The following GLRA3 variants were observed in gnomAD, a reference collection of about 807,000 sequenced individuals.
GLRA3 encodes glycine receptor alpha 3.
Under a neutral mutation model 60.4 loss-of-function variants are expected in GLRA3, and 44 were observed. The ratio of observed to expected loss-of-function variants is 0.73; its 90% confidence interval spans 0.57 to 0.94. The LOEUF (loss-of-function observed/expected upper bound fraction) is 0.94. GLRA3 is among the 40% of genes least tolerant of loss of function. The pLI, the probability that GLRA3 is intolerant of heterozygous loss-of-function variation, is 0.00. For synonymous variants in GLRA3, 223 were observed against 192.9 expected, an observed-to-expected ratio of 1.16 and a Z score of -1.29; for missense variants, 508 against 564.6, an observed-to-expected ratio of 0.90 and a Z score of 1.02.
intron 1 of GLRA3, among the ~76,000 whole-genome samples, chr4:174,813,004 T>A (rs1740331806): frequency 6.6e-6 from 1 of 152,144 alleles, no homozygotes; most frequent in Non-Finnish European, 1.5e-5. Context: ...ACAAAACCCC[T>A]AGAGACTGTG....
chr4:174,726,782 A>T (rs940642843), intron 4 of GLRA3, among the ~76,000 whole-genome samples: 18 of 143,906 alleles, frequency 1.3e-4, no homozygotes, highest in African/African-American at 4.3e-4. Flanking sequence ...AATAGAAAAA[A>T]GTATGTCTGT....
intron 3 of GLRA3, among the ~76,000 whole-genome samples, chr4:174,737,734 A>G (rs1736862284): frequency 1.3e-5 from 2 of 151,978 alleles, no homozygotes; most frequent in African/African-American, 4.8e-5. Context: ...CTGGTCTCGA[A>G]CTCCTGACCT....
intron 5 of GLRA3, among the ~76,000 whole-genome samples, chr4:174,711,973 C>T (rs1735735614): frequency 6.6e-6 from 1 of 151,986 alleles, no homozygotes; most frequent in East Asian, 1.9e-4. Flanking sequence ...TTTTTTTCTA[C>T]ATGAATTTAA....
rs550877007 is a variant in GLRA3 at position 174,760,025 on chromosome 4, C to A, written c.267+6938G>T. ...ATTTTGTGAATTAAAATTATTTATA[C>A]ATCAAAAAGAATGCCTTGAAGAGTA... On this transcript the variant is annotated intron_variant, in intron 3 of 9. Transcript: ENST00000274093. Among the ~76,000 whole-genome samples, 4 of 152,158 alleles carry A rather than the reference C, an allele frequency of 2.6e-5. No individual in the cohort carries two copies. In the South Asian group the frequency reaches 8.3e-4, roughly 32 times the overall value.
At chr4:174,744,333 C>T (rs1737146745) in intron 3 of GLRA3, among the ~76,000 whole-genome samples, 1 of 152,232 alleles carries the variant, frequency 6.6e-6, no homozygotes, top group Non-Finnish European at 1.5e-5. Context: ...ACTTGGAGGA[C>T]CAAGAAGAGG....
chr4:174,824,974 G>A (rs1740905893), intron 1 of GLRA3, among the ~76,000 whole-genome samples: 1 of 152,032 alleles, frequency 6.6e-6, no homozygotes, highest in African/African-American at 2.4e-5. Context: ...ATTGCTGATT[G>A]ACTTGCCTCA....
intron 4 of GLRA3, among the ~76,000 whole-genome samples, chr4:174,725,311 C>A (rs547373216): frequency 1.3e-5 from 2 of 152,126 alleles, no homozygotes; most frequent in Admixed American, 6.5e-5. Context: ...ATACACTGAG[C>A]TTTCATTTTG....
chr4:174,796,256 C>A (rs1213291509), intron 1 of GLRA3, among the ~76,000 whole-genome samples: 2 of 152,256 alleles, frequency 1.3e-5, no homozygotes, highest in African/African-American at 2.4e-5. Context: ...CAAAACCAGA[C>A]AATTTGCTGG....
intron 5 of GLRA3, among the ~76,000 whole-genome samples, chr4:174,690,825 A>G (rs1163248976): frequency 6.6e-6 from 1 of 152,178 alleles, no homozygotes. Context: ...CAATGTTCCC[A>G]CAAAATACAT....
Position 174,681,993 on chromosome 4 carries a change from G to A in GLRA3, c.712+809C>T, listed in dbSNP as rs79090670. 4.5e-3 allele frequency among the ~76,000 whole-genome samples: 692 copies of A among 152,272 alleles called. 2 individuals carry two copies. The highest frequency in any genetic ancestry group is 0.016 in the African/African-American group (666 of 41,562). On this transcript the variant is annotated intron_variant, in intron 6 of 9. Coordinates refer to ENST00000274093, the MANE Select transcript of GLRA3 (RefSeq NM_006529.4). ...TAAGAGAGACTAGGGACTTTGAATAGTGAAAGGTCACAGCACAGTTCTGGA... is the reference window on the plus strand; with the variant it reads ...TAAGAGAGACTAGGGACTTTGAATAATGAAAGGTCACAGCACAGTTCTGGA...
chr4:174,808,630 G>T (rs997488983), intron 1 of GLRA3, among the ~76,000 whole-genome samples: 3 of 152,172 alleles, frequency 2.0e-5, no homozygotes, highest in Middle Eastern at 3.4e-3. Flanking sequence ...CCAGAAGAAG[G>T]CGTTGCTATT....
At chr4:174,824,337 A>C (rs574522954) in intron 1 of GLRA3, among the ~76,000 whole-genome samples, 1 of 152,328 alleles carries the variant, frequency 6.6e-6, no homozygotes, top group South Asian at 2.1e-4. Context: ...AATAATTGCT[A>C]TCACCAATCC....
At chr4:174,827,066 T>G (rs189394466) in intron 1 of GLRA3, among the ~76,000 whole-genome samples, 4 of 152,004 alleles carry the variant, frequency 2.6e-5, no homozygotes, top group Non-Finnish European at 5.9e-5. Context: ...GAATATAAGT[T>G]ATGAAGTAAA....
At chr4:174,768,101 C>T (rs1304492979) in intron 2 of GLRA3, among the ~76,000 whole-genome samples, 1 of 152,038 alleles carries the variant, frequency 6.6e-6, no homozygotes, top group East Asian at 1.9e-4. Context: ...CAGGGAGCTA[C>T]CAGACAGGCA....
chr4:174,664,775 C>A (rs1310112717), intron 7 of GLRA3, among the ~76,000 whole-genome samples: 1 of 152,080 alleles, frequency 6.6e-6, no homozygotes, highest in Non-Finnish European at 1.5e-5. Context: ...GGGTATAAAG[C>A]CCTTCAAAAT....
At chr4:174,657,762 T>A (rs1163154893) in intron 8 of GLRA3, among the ~76,000 whole-genome samples, 1 of 152,066 alleles carries the variant, frequency 6.6e-6, no homozygotes, top group Non-Finnish European at 1.5e-5. Context: ...AAAGTTAATC[T>A]CCCCATCACA....
intron 2 of GLRA3, among the ~76,000 whole-genome samples, chr4:174,779,924 C>T (rs1311407132): frequency 2.0e-5 from 3 of 151,328 alleles, no homozygotes; most frequent in African/African-American, 7.3e-5. Context: ...CCCAATCTAG[C>T]AAGGCAGGCC....
intron 4 of GLRA3, among the ~76,000 whole-genome samples, chr4:174,726,509 G>A (rs1469555998): frequency 6.6e-6 from 1 of 152,166 alleles, no homozygotes; most frequent in African/African-American, 2.4e-5. Flanking sequence ...AACCTCTAGG[G>A]AATATTAGAT....
intron 5 of GLRA3, among the ~76,000 whole-genome samples, chr4:174,695,068 T>C (rs888730398): frequency 1.3e-5 from 2 of 151,942 alleles, no homozygotes; most frequent in African/African-American, 4.8e-5. Flanking sequence ...ACCTCCAAAA[T>C]TGAATCAGTA....
Sources: allele counts gnomAD v4.1 joint callset (sites outside exome capture counted in the v4.1 genomes callset), GRCh38; gene constraint gnomAD v4.1.1; transcripts MANE v1.5; gene names NCBI Gene and HGNC (gene_info 2026-07-23, HGNC 2026-07-21).